Variants in CNPY4 observed in about 807,000 individuals in gnomAD.
CNPY4 encodes the protein protein canopy homolog 4.
CNPY4 carries 33 observed loss-of-function variants against 30.1 expected under a neutral mutation model. That is an observed-to-expected ratio of 1.10 (90% CI 0.83 to 1.46). CNPY4 has a LOEUF of 1.46. Ranked by LOEUF, CNPY4 falls within the 40% of genes most tolerant of loss-of-function variation. The pLI, the probability that CNPY4 is intolerant of heterozygous loss-of-function variation, is 0.00. For synonymous variants in CNPY4, 109 were observed against 110.1 expected (o/e 0.99, Z 0.06); for missense variants, 324 against 302.6 (o/e 1.07, Z -0.52).
In CNPY4 at chr7:100,122,304, C is replaced by G; in HGVS notation, c.164C>G (p.Thr55Ser). The stretch of plus-strand genomic sequence containing the variant: ...GAGCTACAGGCGGAACTGAGTCGCA[C>G]CGGTCGATCTCGAGAGGTGCTGGAG... ...STELQAELSR[T>S]GRSREVLELG... is the part of the protein sequence containing the mutation. The change falls in exon 2 of 6, where the codon ACC becomes AGC. Residue 55 changes from threonine (T) to serine (S), a missense_variant. By Grantham distance (58) the Thr-to-Ser change is moderately conservative (BLOSUM62 1). Transcript: ENST00000262932. 6.2e-7 allele frequency: 1 copy of G among 1,614,084 alleles called. No homozygotes were observed. The highest frequency in any genetic ancestry group is 8.5e-7 in the Non-Finnish European group (1 of 1,180,014).
chr7:100,122,963 T>C, intron 4 of CNPY4, 57 bp downstream of exon 4: 1 of 1,556,516 alleles, frequency 6.4e-7, no homozygotes, highest in Non-Finnish European at 8.7e-7. Flanking sequence ...AGAGGGGAGC[T>C]AGGTTCTAGG....
At chr7:100,123,693 T>C (rs987806625) in intron 4 of CNPY4, among the ~76,000 whole-genome samples, 2 of 152,078 alleles carry the variant, frequency 1.3e-5, no homozygotes, top group Non-Finnish European at 2.9e-5. Context: ...GCTAATTTTT[T>C]GTAATTTTAG....
Position 100,125,021 on chromosome 7 carries a change from C to T in CNPY4, c.*133C>T, listed in dbSNP as rs1462989628. ...CAAGCTTGTAGCTGTTCTCTCCCAT[C>T]TAACCTCAGGCAAGATCCTGGTGAA... On this transcript the variant is annotated 3_prime_UTR_variant, in exon 6 of 6. Coordinates refer to ENST00000262932, the MANE Select transcript of CNPY4 (RefSeq NM_152755.2). 1 of 1,074,382 alleles carries T rather than the reference C, an allele frequency of 9.3e-7. No individual in the cohort carries two copies. The highest frequency in any genetic ancestry group is 1.6e-5 in the African/African-American group (1 of 63,182). 66.6% of individuals were successfully genotyped at this position (1,074,382 alleles called of 1,614,324 possible).
intron 1 of CNPY4, chr7:100,121,110 A>ATTTTTT (rs1798036782): frequency 4.6e-4 from 13 of 28,372 alleles, no homozygotes; most frequent in South Asian, 1.3e-3. Flanking sequence ...ATATATATAT[A>ATTTTTT]TATATATTTT....
intron 1 of CNPY4, chr7:100,121,081 G>T (rs1360595787): frequency 2.1e-4 from 10 of 47,868 alleles, no homozygotes; most frequent in South Asian, 6.3e-4. Context: ...TTATCCAATT[G>T]TATTAATTTT....
intron 4 of CNPY4, 97 bp from the exon 5 acceptor site, chr7:100,124,417 C>A: frequency 1.1e-6 from 1 of 901,630 alleles, no homozygotes; most frequent in Non-Finnish European, 1.8e-6. Context: ...TGGCTACCTG[C>A]CTCTCCAAAA....
At chr7:100,121,116 A>ATTTTTTTTTTTT (rs1163501525) in intron 1 of CNPY4, 2 of 52,778 alleles carry the variant, frequency 3.8e-5, no homozygotes, top group African/African-American at 1.9e-4. Flanking sequence ...ATATATATAT[A>ATTTTTTTTTTTT]TTTTTTTTTT....
At chr7:100,124,698 T>G (rs370237867) in intron 5 of CNPY4, 27 bp from the exon 6 acceptor site, 4 of 1,613,296 alleles carry the variant, frequency 2.5e-6, no homozygotes, top group Non-Finnish European at 1.7e-6. Flanking sequence ...GACTAATATC[T>G]AAATTGTTTT....
At chr7:100,122,663 C>G in intron 3 of CNPY4, 86 bp downstream of exon 3, 1 of 1,503,620 alleles carries the variant, frequency 6.7e-7, no homozygotes, top group South Asian at 1.3e-5. Flanking sequence ...ATCTGCCCAT[C>G]ATCTCACCAT....
rs1315504188 is a variant in CNPY4 at position 100,121,579 on chromosome 7, C to G, written c.119-680C>G. Reference sequence around the variant, plus strand: ...TCTCCTGCCTCAGCTTCCCGAGTAGCTATTACAGGTGCGCACCACCACACC... The same window carrying G: ...TCTCCTGCCTCAGCTTCCCGAGTAGGTATTACAGGTGCGCACCACCACACC... On this transcript the variant is annotated intron_variant, in intron 1 of 5. Coordinates refer to ENST00000262932, the MANE Select transcript of CNPY4 (RefSeq NM_152755.2). Among the ~76,000 whole-genome samples the G allele has an allele frequency of 2.6e-5, 4 of 152,000 alleles. No individual in the cohort carries two copies. In the East Asian group the frequency reaches 5.9e-4, roughly 22 times the overall value.
intron 1 of CNPY4, among the ~76,000 whole-genome samples, chr7:100,121,590 G>A (rs985083680): frequency 1.3e-5 from 2 of 151,804 alleles, no homozygotes; most frequent in Non-Finnish European, 2.9e-5. Context: ...TATTACAGGT[G>A]CGCACCACCA....
rs1798100203 is a variant in CNPY4, at chr7:100,122,373, C to G, written c.233C>G (p.Pro78Arg). 1.2e-6 allele frequency: 2 copies of G among 1,614,058 alleles called. No individual in the cohort carries two copies. The highest frequency in any genetic ancestry group is 1.3e-5 in the African/African-American group (1 of 74,936). ...LDTGKRKRHVPYSVSETRLEE... is the reference protein window; with the variant it reads ...LDTGKRKRHVRYSVSETRLEE... Reference sequence around the variant, plus strand: ...ACAGGCAAGAGGAAGAGACACGTGCCTTACAGCGTTTCGTGAGTCCTTCGT... The same window carrying G: ...ACAGGCAAGAGGAAGAGACACGTGCGTTACAGCGTTTCGTGAGTCCTTCGT... Residue 78 changes from proline to arginine, a missense_variant, in exon 2 of 6, where the codon CCT becomes CGT. Physicochemically the swap from Pro to Arg is moderately radical, Grantham distance 103 (BLOSUM62 -2). Coordinates refer to ENST00000262932, the MANE Select transcript of CNPY4 (RefSeq NM_152755.2).
chr7:100,122,049 G>GAAGA (rs1798089043), intron 1 of CNPY4: 1 of 298,406 alleles, frequency 3.4e-6, no homozygotes, highest in Non-Finnish European at 6.0e-6. Flanking sequence ...GAGTCCGTCT[G>GAAGA]AAAAAAAAAA....
chr7:100,121,819 G>C (rs1259334206), intron 1 of CNPY4, among the ~76,000 whole-genome samples: 1 of 151,846 alleles, frequency 6.6e-6, no homozygotes, highest in East Asian at 2.0e-4. Flanking sequence ...GGGAGGCCAA[G>C]GCGGGCGGAT....
chr7:100,122,227 ACCT>A, intron 1 of CNPY4, 29 bp from the exon 2 acceptor site: 1 of 1,611,358 alleles, frequency 6.2e-7, no homozygotes, highest in South Asian at 1.1e-5. Context: ...TTTGTCTTTT[ACCT>A]CCCCCCGGAC....
rs754396678 is a variant in CNPY4, at chr7:100,122,361, A to AGAGACAC, written c.223_229dup (p.Val77GlufsTer21). 6.2e-7 allele frequency: 1 copy of AGAGACAC among 1,614,078 alleles called. No individual in the cohort carries two copies. The highest frequency in any genetic ancestry group is 8.5e-7 in the Non-Finnish European group (1 of 1,179,948). The stretch of plus-strand genomic sequence containing the variant: ...CAGGTGCTGGATACAGGCAAGAGGA[A>AGAGACAC]GAGACACGTGCCTTACAGCGTTTCG... On this transcript the variant is annotated frameshift_variant, in exon 2 of 6. Transcript: ENST00000262932. LOFTEE classifies it high-confidence loss of function.
intron 1 of CNPY4, 124 bp from the exon 2 acceptor site, chr7:100,122,135 C>T: frequency 4.8e-6 from 6 of 1,252,268 alleles, no homozygotes; most frequent in Middle Eastern, 2.8e-4. Flanking sequence ...AGCCAGGATT[C>T]CAACCCAGCC....
chr7:100,122,563 C>A lies in CNPY4; in HGVS notation c.328C>A (p.Leu110Met). The change falls in exon 3 of 6, where the codon CTG becomes ATG. Residue 110 changes from leucine to methionine, a missense_variant. Coordinates refer to ENST00000262932, the MANE Select transcript of CNPY4 (RefSeq NM_152755.2). ...YSVHAERKGS[L>M]RYAKGQSQTM... ...TGTTCACGCTGAGCGCAAGGGCTCA[C>A]TGAGATATGCCAAGGTCAGACCCTT... is the stretch of plus-strand genomic sequence containing the variant. 1 of 1,609,826 alleles carries A rather than the reference C, an allele frequency of 6.2e-7. No individual in the cohort carries two copies. The highest frequency in any genetic ancestry group is 8.5e-7 in the Non-Finnish European group (1 of 1,177,590).
At chr7:100,123,810 G>A (rs933445672) in intron 4 of CNPY4, among the ~76,000 whole-genome samples, 6 of 152,204 alleles carry the variant, frequency 3.9e-5, no homozygotes, top group African/African-American at 1.4e-4. Flanking sequence ...ATGAGCCATT[G>A]GGCCCTGCCT....
Sources: allele counts gnomAD v4.1 joint callset (sites outside exome capture counted in the v4.1 genomes callset), GRCh38; gene constraint gnomAD v4.1.1; transcripts MANE v1.5; gene names NCBI Gene and HGNC (gene_info 2026-07-23, HGNC 2026-07-21).